Variants in HIVEP1 observed in about 807,000 individuals in gnomAD.
HIVEP1 encodes the protein zinc finger protein 40.
In HIVEP1, 36 loss-of-function variants were observed where a neutral mutation model predicts 180.0. The ratio of observed to expected loss-of-function variants is 0.20; its 90% CI spans 0.15 to 0.26. The LOEUF (loss-of-function observed/expected upper bound fraction) is 0.26. HIVEP1 is among the 10% of genes least tolerant of loss of function. The pLI is 1.00. For synonymous variants in HIVEP1, 1,239 were observed against 1,239.0 expected (o/e 1.00, Z 0.00); for missense variants, 3,143 against 3,268.7 (o/e 0.96, Z 0.94).
chr6:12,056,506 A>G (rs1442879690), intron 2 of HIVEP1, among the ~76,000 whole-genome samples: 1 of 152,170 alleles, frequency 6.6e-6, no homozygotes, highest in African/African-American at 2.4e-5. Context: ...TTGAATTTGA[A>G]TATGCCACTT....
intron 2 of HIVEP1, among the ~76,000 whole-genome samples, chr6:12,032,903 C>T (rs1387251420): frequency 6.6e-6 from 1 of 152,184 alleles, no homozygotes; most frequent in East Asian, 1.9e-4. Context: ...ATGCTCTTCC[C>T]AGATATCCAA....
chr6:12,011,540 G>A (rs1767304341), upstream of HIVEP1, among the ~76,000 whole-genome samples: 2 of 149,608 alleles, frequency 1.3e-5, no homozygotes, highest in African/African-American at 4.9e-5. Context: ...CGCGACCCAG[G>A]GCTCCCGCCC....
chr6:12,166,490 C>A (rs75853060), downstream of HIVEP1, among the ~76,000 whole-genome samples: 2 of 152,122 alleles, frequency 1.3e-5, no homozygotes, highest in African/African-American at 4.8e-5. Context: ...GTGCAAATAC[C>A]TTTACTATTG....
At chr6:12,064,119 T>C (rs940803004) in intron 2 of HIVEP1, among the ~76,000 whole-genome samples, 5 of 152,312 alleles carry the variant, frequency 3.3e-5, no homozygotes, top group Middle Eastern at 3.4e-3. Context: ...CATCTACTTG[T>C]AAACTAAATA....
At position 12,163,625 on chromosome 6, in the gene HIVEP1, C is replaced by T. The variant is rs769175211; in HGVS notation, c.7321C>T (p.His2441Tyr). The T allele has an allele frequency of 6.2e-7, 1 of 1,614,142 alleles. No individual in the cohort carries two copies. Among genetic ancestry groups the T allele is most frequent in the South Asian group, 1.1e-5 (1 of 91,082 alleles). ...TGTCGTTCACAGAACTTTGGGTACT[C>T]ATAGGAATACGGTCACAGAAGTGTC... is the stretch of plus-strand genomic sequence containing the variant. ...VSVVHRTLGTHRNTVTEVSGT... is the reference protein window; with the variant it reads ...VSVVHRTLGTYRNTVTEVSGT... The change falls in exon 9 of 9, where the codon CAT becomes TAT. Residue 2441 changes from histidine to tyrosine, a missense_variant. His to Tyr is a moderately conservative substitution (Grantham distance 83). This residue lies in a region of HIVEP1 where 595 missense variants were observed against 602.2 expected (regional missense o/e 0.99). Transcript: ENST00000379388.
At position 12,123,260 on chromosome 6, in the gene HIVEP1, A is replaced by G; in HGVS notation, c.3465A>G (p.Glu1155=). 1 of 1,614,126 alleles carries G rather than the reference A, an allele frequency of 6.2e-7. No homozygotes were observed. The highest frequency in any genetic ancestry group is 8.5e-7 in the Non-Finnish European group (1 of 1,180,026). The change falls in exon 4 of 9, where the codon GAA becomes GAG. Residue 1155 remains glutamate (E), a synonymous_variant. Coordinates refer to ENST00000379388, the MANE Select transcript of HIVEP1 (RefSeq NM_002114.4). ...PNSFDKPEPF[E]RASPVSFQEL... is the part of the protein sequence containing the mutation. ...CATTTGACAAGCCTGAGCCTTTTGA[A>G]AGAGCCTCCCCAGTTTCTTTCCAGG...
chr6:12,064,278 A>G (rs919535199), intron 2 of HIVEP1, among the ~76,000 whole-genome samples: 3 of 152,170 alleles, frequency 2.0e-5, no homozygotes, highest in African/African-American at 7.2e-5. Flanking sequence ...GGTAATGACT[A>G]AAGTATTCCA....
At chr6:12,154,453 G>A (rs548616496) in intron 7 of HIVEP1, among the ~76,000 whole-genome samples, 1 of 152,190 alleles carries the variant, frequency 6.6e-6, no homozygotes, top group Non-Finnish European at 1.5e-5. Flanking sequence ...TGCAGCTGCA[G>A]TCAGAGCCGT....
At chr6:12,167,655 GT>G (rs1760750338), downstream of HIVEP1, among the ~76,000 whole-genome samples, 32 of 103,336 alleles carry the variant, frequency 3.1e-4, no homozygotes, top group African/African-American at 7.0e-4. Flanking sequence ...ACATATATAT[GT>G]TATATATACA....
At chr6:12,159,087 G>A (rs914542182) in intron 7 of HIVEP1, among the ~76,000 whole-genome samples, 7 of 152,106 alleles carry the variant, frequency 4.6e-5, no homozygotes, top group Admixed American at 4.6e-4. Context: ...TCTGCCCTCG[G>A]TGACACAAGC....
chr6:12,167,819 C>T (rs192240704), downstream of HIVEP1, among the ~76,000 whole-genome samples: 3 of 141,182 alleles, frequency 2.1e-5, no homozygotes, highest in African/African-American at 7.8e-5. Context: ...TATAGATGTG[C>T]GTATATAATA....
At chr6:12,151,073 T>A (rs1759675412) in intron 7 of HIVEP1, among the ~76,000 whole-genome samples, 1 of 152,208 alleles carries the variant, frequency 6.6e-6, no homozygotes, top group South Asian at 2.1e-4. Flanking sequence ...ACCTGACTCA[T>A]CTTCAAATAA....
intron 3 of HIVEP1, among the ~76,000 whole-genome samples, chr6:12,096,902 G>A (rs1256108563): frequency 6.6e-6 from 1 of 151,908 alleles, no homozygotes; most frequent in Non-Finnish European, 1.5e-5. Context: ...TAAGAGAGAA[G>A]GTGAAAATGT....
intron 2 of HIVEP1, among the ~76,000 whole-genome samples, chr6:12,040,871 T>G (rs1581555153): frequency 1.4e-5 from 2 of 139,686 alleles, no homozygotes; most frequent in African/African-American, 5.4e-5. Flanking sequence ...GGTGGGGGAG[T>G]GAAGAGTGGT....
chr6:12,188,984 A>G, the HIVEP1 span, among the ~76,000 whole-genome samples: 2 of 152,006 alleles, frequency 1.3e-5, no homozygotes, highest in African/African-American at 4.8e-5. Flanking sequence ...ATATATCCCT[A>G]TAAATGGGCA....
chr6:12,120,058 A>G lies in HIVEP1; in HGVS notation c.263A>G (p.His88Arg), dbSNP rs944161157. The change falls in exon 4 of 9, where the codon CAT (histidine) becomes CGT (arginine). Residue 88 changes from histidine to arginine, a missense_variant. Transcript: ENST00000379388. ...GAAGAGTCATCTTTCGCCGTTCTTC[A>G]TAGTGCTTCGGAGTCTCACAAGAAA... Reference protein sequence around the residue: ...NTEESSFAVLHSASESHKKQN... With the variant: ...NTEESSFAVLRSASESHKKQN... The G allele has an allele frequency of 3.1e-6, 5 of 1,613,274 alleles. No individual in the cohort carries two copies. Among genetic ancestry groups the G allele is most frequent in the African/African-American group, 2.7e-5 (2 of 74,816 alleles).
the HIVEP1 span, among the ~76,000 whole-genome samples, chr6:12,203,102 A>G: frequency 1.3e-5 from 2 of 152,188 alleles, no homozygotes; most frequent in African/African-American, 4.8e-5. Flanking sequence ...TTGGACTCTA[A>G]ACTATGTTAT....
intron 3 of HIVEP1, among the ~76,000 whole-genome samples, chr6:12,114,234 G>A (rs753714131): frequency 2.0e-5 from 3 of 152,096 alleles, no homozygotes; most frequent in African/African-American, 4.8e-5. Context: ...CCAGAACCCC[G>A]CTGACACTGC....
rs551138456 is a variant in HIVEP1, at chr6:12,127,165, TA to T, written c.6075+1306del. Among the ~76,000 whole-genome samples the T allele has an allele frequency of 7.0e-4, 98 of 140,442 alleles. No individual in the cohort carries two copies. In the East Asian group the frequency reaches 7.7e-3, roughly 11 times the overall value. 92.1% of individuals were successfully genotyped at this position (140,442 alleles called of 152,430 possible). A position where few individuals can be genotyped will look rare whatever the true frequency, so the allele number is the denominator to read the frequency against. On this transcript the variant is annotated intron_variant, in intron 4 of 8. Transcript: ENST00000379388. ...TGTGAGCCACCGCGCCCAGCAAGAA[TA>T]AAAAAAAAAATTAATAATACACGAA...
Sources: allele counts gnomAD v4.1 joint callset (sites outside exome capture counted in the v4.1 genomes callset), GRCh38; gene constraint gnomAD v4.1.1; regional missense constraint gnomAD v4.1.1; transcripts MANE v1.5; gene names NCBI Gene and HGNC (gene_info 2026-07-23, HGNC 2026-07-21).